Variants in USP24 observed in about 807,000 individuals in gnomAD.
The protein encoded by USP24 is ubiquitin specific peptidase 24, also known as ubiquitin carboxyl-terminal hydrolase 24.
Under a neutral mutation model 361.6 loss-of-function variants are expected in USP24, and 97 were observed. The observed-to-expected ratio is 0.27, with a 90% CI of 0.23 to 0.32. USP24 has a LOEUF of 0.32. Ranked by LOEUF, USP24 falls within the 10% of genes least tolerant of loss-of-function variation. The probability of loss-of-function intolerance (pLI) is 1.00; values close to 1 mark genes in which losing one functional copy is unlikely to be tolerated. For missense variants in USP24, 2,353 were observed against 3,165.6 expected (o/e 0.74, Z 6.16); for synonymous variants, 1,098 against 1,124.6 (o/e 0.98, Z 0.47).
chr1:55,086,600 A>G (rs72911441), intron 55 of USP24, among the ~76,000 whole-genome samples: 8,998 of 152,320 alleles, frequency 0.059, 353 homozygotes, highest in African/African-American at 0.11. Flanking sequence ...AAATCTGAAC[A>G]TGGACTAGAT....
At chr1:55,176,237 T>A (rs1649971144) in intron 3 of USP24, 139 bp downstream of exon 3, 1 of 578,234 alleles carries the variant, frequency 1.7e-6, no homozygotes, top group Non-Finnish European at 2.9e-6. Context: ...TTTTTCATAT[T>A]AGAGGATTCC....
At chr1:55,124,688 T>C (rs572023305) in intron 34 of USP24, 60 bp from the exon 35 acceptor site, 16 of 1,578,616 alleles carry the variant, frequency 1.0e-5, no homozygotes, top group Middle Eastern at 1.7e-4. Flanking sequence ...CCCTGACATG[T>C]ACAACCTTCT....
At position 55,081,367 on chromosome 1, in the gene USP24, C is replaced by A; in HGVS notation, c.7033G>T (p.Ala2345Ser). ...REFGNLHNTV[A>S]LLVLHSDVSS... ...ACATCTGAATGCAAAACAAGTAACG[C>A]CACTGTATTGTGAAGATTCCCAAAT... The change falls in exon 59 of 68, where the codon GCG becomes TCG. Residue 2345 changes from alanine (A) to serine (S), a missense_variant. Ala to Ser is a moderately conservative substitution (Grantham distance 99). This residue lies in a region of USP24 where 598 missense variants were observed against 761.9 expected (regional missense o/e 0.78). Transcript: ENST00000294383. The A allele has an allele frequency of 6.2e-7, 1 of 1,613,650 alleles. No individual in the cohort carries two copies. The highest frequency in any genetic ancestry group is 8.5e-7 in the Non-Finnish European group (1 of 1,179,696).
chr1:55,148,543 C>T lies in USP24; in HGVS notation c.1888G>A (p.Val630Ile). ...TGACGCAAAGCTGGTACCACCCATA[C>T]AAACTGGGGATTATTAAGCTGAGAT... ...KSSQLNNPQF[V>I]WVVPALRQLH... The change falls in exon 17 of 68, where the codon GTA (valine) becomes ATA (isoleucine). Residue 630 changes from valine (V) to isoleucine (I), a missense_variant. This residue lies in a region of USP24 where 386 missense variants were observed against 560.5 expected (regional missense o/e 0.69). Coordinates refer to ENST00000294383, the MANE Select transcript of USP24 (RefSeq NM_015306.3). The T allele has an allele frequency of 6.3e-7, 1 of 1,590,758 alleles. No homozygotes were observed. The highest frequency in any genetic ancestry group is 1.1e-5 in the South Asian group (1 of 87,040).
intron 42 of USP24, among the ~76,000 whole-genome samples, 180 bp downstream of exon 42, chr1:55,103,696 T>C (rs1027150726): frequency 2.0e-5 from 3 of 152,214 alleles, no homozygotes; most frequent in Non-Finnish European, 4.4e-5. Context: ...TATTTCATAA[T>C]ATATTCAGTA....
At chr1:55,109,584 C>T (rs1019398368) in intron 39 of USP24, among the ~76,000 whole-genome samples, 9 of 152,084 alleles carry the variant, frequency 5.9e-5, no homozygotes, top group African/African-American at 1.7e-4. Context: ...TTACCAATTG[C>T]TATTTTTGTG....
chr1:55,138,997 C>G lies in USP24; in HGVS notation c.2764G>C (p.Val922Leu). The stretch of plus-strand genomic sequence containing the variant: ...AGAAGCAGCAATCTCTCAATTATTA[C>G]AAGTTTAGTAGATCTATAGATTAAA... ...VQSPYRSTKL[V>L]IIERLLLLAE... Residue 922 changes from valine (V) to leucine (L), a missense_variant, in exon 25 of 68, where the codon GTA (valine) becomes CTA (leucine). This residue lies in a region of USP24 where 949 missense variants were observed against 1,280.5 expected (regional missense o/e 0.74). Transcript: ENST00000294383. 6.2e-7 allele frequency: 1 copy of G among 1,610,758 alleles called. No homozygotes were observed. Among genetic ancestry groups the G allele is most frequent in the Non-Finnish European group, 8.5e-7 (1 of 1,178,268 alleles).
intron 1 of USP24, among the ~76,000 whole-genome samples, chr1:55,212,690 G>A (rs1048275444): frequency 6.9e-6 from 1 of 145,658 alleles, no homozygotes; most frequent in East Asian, 1.9e-4. Context: ...AGGCTCCTGT[G>A]TGTCAGGAAA....
chr1:55,181,635 G>GT (rs1643969287), intron 1 of USP24, among the ~76,000 whole-genome samples: 1 of 152,102 alleles, frequency 6.6e-6, no homozygotes, highest in Admixed American at 6.5e-5. Flanking sequence ...TCATTACTAT[G>GT]GAGTATCTAT....
At chr1:55,184,025 T>C (rs1016341183) in intron 1 of USP24, among the ~76,000 whole-genome samples, 13 of 152,312 alleles carry the variant, frequency 8.5e-5, no homozygotes, top group Non-Finnish European at 1.8e-4. Context: ...AAGCTGTTAC[T>C]AGAGACAAGA....
At chr1:55,109,380 G>C (rs116643062) in intron 39 of USP24, among the ~76,000 whole-genome samples, 2,282 of 152,316 alleles carry the variant, frequency 0.015, 28 homozygotes, top group Middle Eastern at 0.034. Flanking sequence ...TCCATTACAT[G>C]ATGGCCTTTG....
chr1:55,118,909 C>A (rs1646197600), intron 38 of USP24, among the ~76,000 whole-genome samples: 1 of 152,150 alleles, frequency 6.6e-6, no homozygotes, highest in African/African-American at 2.4e-5. Context: ...AACAAAAATC[C>A]TAGAAAACAA....
At position 55,086,028 on chromosome 1, in the gene USP24, G is replaced by A. The variant is rs781655590; in HGVS notation, c.6679C>T (p.Leu2227=). 6.2e-7 allele frequency: 1 copy of A among 1,613,864 alleles called. No homozygotes were observed. The highest frequency in any genetic ancestry group is 8.5e-7 in the Non-Finnish European group (1 of 1,179,792). ...CGTACTTCTCTCACATTGCACTCCAGTAAGAAAATCCTGAAAGAAAGAGAA... is the reference window on the plus strand; with the variant it reads ...CGTACTTCTCTCACATTGCACTCCAATAAGAAAATCCTGAAAGAAAGAGAA... ...EGRELIKIFL[L]ECNVREVRVA... Residue 2227 remains leucine (L), a synonymous_variant, in exon 56 of 68, where the codon CTG becomes TTG. Coordinates refer to ENST00000294383, the MANE Select transcript of USP24 (RefSeq NM_015306.3).
chr1:55,099,737 G>C, intron 45 of USP24, 34 bp downstream of exon 45: 1 of 1,434,012 alleles, frequency 7.0e-7, no homozygotes, highest in Non-Finnish European at 9.6e-7. Flanking sequence ...ATTAGAGTTT[G>C]AGGGAGTTAG....
intron 7 of USP24, 63 bp downstream of exon 7, chr1:55,165,822 G>T: frequency 1.4e-6 from 2 of 1,408,112 alleles, no homozygotes; most frequent in African/African-American, 1.4e-5. Flanking sequence ...CATATCCTCT[G>T]GCTGTACACC....
chr1:55,179,199 T>C (rs1443271239), intron 1 of USP24, among the ~76,000 whole-genome samples: 1 of 152,214 alleles, frequency 6.6e-6, no homozygotes, highest in Non-Finnish European at 1.5e-5. Flanking sequence ...CTCCCTCCTC[T>C]TGAAATGCTG....
rs762842386 is a variant in USP24 at position 55,078,530 on chromosome 1, G to C, written c.7314+8C>G. On this transcript the variant is annotated splice_region_variant and intron_variant, in intron 61 of 67. Transcript: ENST00000294383. ...ATCTGGCTATCACTCGTTTAACTGA[G>C]GTCTTACCTTAATGAAATGCAGCAT... 6.2e-7 allele frequency: 1 copy of C among 1,604,178 alleles called. No individual in the cohort carries two copies. The highest frequency in any genetic ancestry group is 2.2e-5 in the East Asian group (1 of 44,608).
chr1:55,074,765 G>T (rs1335585699), intron 63 of USP24, among the ~76,000 whole-genome samples: 1 of 152,084 alleles, frequency 6.6e-6, no homozygotes, highest in Non-Finnish European at 1.5e-5. Flanking sequence ...TCTGACTAGA[G>T]TACAGCGTTC....
At chr1:55,178,593 C>T (rs1165225) in intron 1 of USP24, among the ~76,000 whole-genome samples, 112,881 of 151,510 alleles carry the variant, frequency 0.75, 43,327 homozygotes, top group East Asian at 0.96. Context: ...GGCGTGAACC[C>T]GGGAGGCGGA....
Sources: gnomAD v4.1 joint callset for allele counts (sites outside exome capture counted in the v4.1 genomes callset) on GRCh38, gnomAD v4.1.1 for gene constraint, gnomAD v4.1.1 regional missense constraint, MANE v1.5 for transcripts, NCBI Gene and HGNC (gene_info 2026-07-23, HGNC 2026-07-21) for gene names.